The following PLCB1 variants were observed in gnomAD, a reference collection of about 807,000 sequenced individuals.
PLCB1 encodes the protein phospholipase C beta 1.
In PLCB1, 46 loss-of-function variants were observed where a neutral mutation model predicts 161.8. The observed-to-expected ratio is 0.28, with a 90% CI of 0.22 to 0.36. The LOEUF is 0.36. Among genes scored for constraint, PLCB1 ranks in the 10% least tolerant of loss-of-function variants. The pLI is 1.00. For missense variants in PLCB1, 1,016 were observed against 1,472.5 expected, an observed-to-expected ratio of 0.69 and a Z score of 5.07; for synonymous variants, 517 against 503.7, an observed-to-expected ratio of 1.03 and a Z score of -0.35.
chr20:8,819,261 T>C lies in PLCB1; in HGVS notation c.3423+29000T>C, dbSNP rs138675166. On this transcript the variant is annotated intron_variant, in intron 31 of 31. Coordinates refer to ENST00000338037, the MANE Select transcript of PLCB1 (RefSeq NM_015192.4). ...TGAGAGAGATGGCACTGGAGACATG[T>C]GGAGAAACTCAGGCTTTTCAATAAA... is the stretch of plus-strand genomic sequence containing the variant. Among the ~76,000 whole-genome samples, 160 of 152,302 alleles carry C rather than the reference T, an allele frequency of 1.1e-3. 1 individual carries two copies. The highest frequency in any genetic ancestry group is 3.5e-3 in the African/African-American group (144 of 41,586).
chr20:8,224,725 A>T (rs866279644), intron 2 of PLCB1, among the ~76,000 whole-genome samples: 1 of 152,280 alleles, frequency 6.6e-6, no homozygotes, highest in Non-Finnish European at 1.5e-5. Flanking sequence ...CCTGATCAAG[A>T]AATAAGACAT....
intron 2 of PLCB1, among the ~76,000 whole-genome samples, chr20:8,213,692 G>GGT (rs377240868): frequency 9.9e-5 from 15 of 151,226 alleles, no homozygotes; most frequent in Admixed American, 6.6e-4. Context: ...TGGTGGTGGT[G>GGT]GTGTGTGTGT....
chr20:8,150,238 A>C, intron 1 of PLCB1, 56 bp from the exon 2 acceptor site: 1 of 749,190 alleles, frequency 1.3e-6, no homozygotes, highest in Non-Finnish European at 2.3e-6. Context: ...TAACTCCTGG[A>C]TAGATTTTTC....
At chr20:8,533,383 A>C (rs960925610) in intron 3 of PLCB1, among the ~76,000 whole-genome samples, 1 of 151,352 alleles carries the variant, frequency 6.6e-6, no homozygotes, top group African/African-American at 2.4e-5. Flanking sequence ...ATACCCAGTA[A>C]TGGGATGGCT....
chr20:8,520,933 T>C (rs1159535323), intron 3 of PLCB1, among the ~76,000 whole-genome samples: 1 of 152,174 alleles, frequency 6.6e-6, no homozygotes, highest in African/African-American at 2.4e-5. Context: ...CTGATTATCA[T>C]GAAATGTCCC....
chr20:8,794,250 G>A (rs576666825), intron 31 of PLCB1, among the ~76,000 whole-genome samples: 2 of 152,296 alleles, frequency 1.3e-5, no homozygotes, highest in Admixed American at 1.3e-4. Flanking sequence ...ATAAAGACAG[G>A]CATAGGAAAT....
At chr20:8,261,726 A>G (rs1981708156) in intron 2 of PLCB1, among the ~76,000 whole-genome samples, 1 of 152,210 alleles carries the variant, frequency 6.6e-6, no homozygotes, top group Non-Finnish European at 1.5e-5. Context: ...GTTACCTGTT[A>G]TCCTAAAACA....
At chr20:8,689,380 G>A (rs1280320855) in intron 10 of PLCB1, among the ~76,000 whole-genome samples, 1 of 152,086 alleles carries the variant, frequency 6.6e-6, no homozygotes, top group Non-Finnish European at 1.5e-5. Context: ...CCAGTACTAT[G>A]ATGAAGAAGG....
At chr20:8,200,119 T>C (rs970493308) in intron 2 of PLCB1, among the ~76,000 whole-genome samples, 2 of 152,160 alleles carry the variant, frequency 1.3e-5, no homozygotes, top group African/African-American at 4.8e-5. Flanking sequence ...CTTCTCCCTC[T>C]TGGAAGTCTC....
At chr20:8,556,179 T>C (rs1283800606) in intron 3 of PLCB1, among the ~76,000 whole-genome samples, 2 of 151,994 alleles carry the variant, frequency 1.3e-5, no homozygotes, top group African/African-American at 4.8e-5. Context: ...GGCCACATTC[T>C]CTCTATGGGT....
intron 3 of PLCB1, among the ~76,000 whole-genome samples, chr20:8,571,126 A>G (rs1372157756): frequency 6.6e-6 from 1 of 152,066 alleles, no homozygotes; most frequent in Admixed American, 6.5e-5. Flanking sequence ...GAGCAAGGAG[A>G]CTCATTTGAA....
At chr20:8,786,298 A>G (rs956065725) in intron 27 of PLCB1, among the ~76,000 whole-genome samples, 22 of 152,200 alleles carry the variant, frequency 1.4e-4, no homozygotes, top group Admixed American at 3.3e-4. Flanking sequence ...ACATCTAGAC[A>G]GCTTGATAAA....
At chr20:8,483,873 T>A (rs1256047237) in intron 3 of PLCB1, among the ~76,000 whole-genome samples, 1 of 152,134 alleles carries the variant, frequency 6.6e-6, no homozygotes, top group Non-Finnish European at 1.5e-5. Context: ...ATAAAATAAA[T>A]GTTGGTACTC....
At chr20:8,738,045 G>A (rs893584389) in intron 20 of PLCB1, among the ~76,000 whole-genome samples, 6 of 152,208 alleles carry the variant, frequency 3.9e-5, no homozygotes, top group Non-Finnish European at 7.3e-5. Context: ...TCGACTTCAT[G>A]TTCTTGACAT....
At chr20:8,740,284 T>C in intron 21 of PLCB1, 60 bp from the exon 22 acceptor site, 1 of 871,730 alleles carries the variant, frequency 1.1e-6, no homozygotes, top group South Asian at 1.6e-5. Context: ...TAGATGCGCA[T>C]AATTATAACT....
chr20:8,210,033 T>C (rs1600235764), intron 2 of PLCB1, among the ~76,000 whole-genome samples: 1 of 152,098 alleles, frequency 6.6e-6, no homozygotes, highest in East Asian at 1.9e-4. Context: ...AGATGGGGTA[T>C]TATTATGTTG....
At chr20:8,702,408 G>A (rs149882714) in intron 11 of PLCB1, among the ~76,000 whole-genome samples, 1 of 152,210 alleles carries the variant, frequency 6.6e-6, no homozygotes, top group East Asian at 1.9e-4. Context: ...AATTATATAA[G>A]ATGGAAAACT....
chr20:8,664,531 G>T (rs1431172754), intron 9 of PLCB1, among the ~76,000 whole-genome samples: 2 of 151,950 alleles, frequency 1.3e-5, no homozygotes, highest in East Asian at 3.9e-4. Flanking sequence ...TCAACACCAA[G>T]AAATAGGCTG....
intron 2 of PLCB1, among the ~76,000 whole-genome samples, chr20:8,297,778 T>C (rs1442500364): frequency 6.6e-6 from 1 of 152,158 alleles, no homozygotes; most frequent in Non-Finnish European, 1.5e-5. Flanking sequence ...TCAAGAGCTA[T>C]TAATTTCAGT....
Sources: allele counts gnomAD v4.1 joint callset (sites outside exome capture counted in the v4.1 genomes callset), GRCh38; gene constraint gnomAD v4.1.1; transcripts MANE v1.5; gene names NCBI Gene and HGNC (gene_info 2026-07-23, HGNC 2026-07-21).